Variants in EPHB1 observed in about 807,000 individuals in gnomAD.
The protein encoded by EPHB1 is ephrin type-B receptor 1.
In EPHB1, 30 loss-of-function variants were observed where a neutral mutation model predicts 94.4. The observed-to-expected ratio is 0.32, with a 90% CI of 0.24 to 0.43. The LOEUF is 0.43. Ranked by LOEUF, EPHB1 falls within the 20% of genes least tolerant of loss-of-function variation. The pLI, the probability that EPHB1 is intolerant of heterozygous loss-of-function variation, is 1.00. For synonymous variants in EPHB1, 522 were observed against 489.1 expected (o/e 1.07, Z -0.89); for missense variants, 1,055 against 1,308.3 (o/e 0.81, Z 2.99).
At chr3:135,024,466 C>A (rs532492659) in intron 3 of EPHB1, among the ~76,000 whole-genome samples, 8 of 152,222 alleles carry the variant, frequency 5.3e-5, no homozygotes, top group African/African-American at 1.4e-4. Context: ...ACCTTTCAAC[C>A]ACGTGGTTTA....
chr3:135,013,099 C>G (rs1050968845), intron 3 of EPHB1, among the ~76,000 whole-genome samples: 11 of 152,140 alleles, frequency 7.2e-5, no homozygotes, highest in African/African-American at 1.9e-4. Context: ...CACCTTTACA[C>G]TACTTACGAA....
chr3:135,033,208 C>G (rs1936540984), intron 3 of EPHB1, among the ~76,000 whole-genome samples: 1 of 152,148 alleles, frequency 6.6e-6, no homozygotes, highest in Admixed American at 6.5e-5. Flanking sequence ...GCCAGTGTGA[C>G]AGTCAGGGTA....
intron 3 of EPHB1, among the ~76,000 whole-genome samples, chr3:134,969,184 A>G (rs966529229): frequency 3.3e-5 from 5 of 152,082 alleles, no homozygotes; most frequent in African/African-American, 4.8e-5. Context: ...TATTATCAGT[A>G]TTTTTTATCT....
rs1470478329 is a variant in EPHB1 at position 135,162,068 on chromosome 3, A to G, written c.1473A>G (p.Ala491=). 1.2e-6 allele frequency: 2 copies of G among 1,613,486 alleles called. No individual in the cohort carries two copies. Among genetic ancestry groups the G allele is most frequent in the Non-Finnish European group, 1.7e-6 (2 of 1,179,674 alleles). The change falls in exon 7 of 16, where the codon GCA becomes GCG. Residue 491 remains alanine, a synonymous_variant. Transcript: ENST00000398015. ...SSMARSQTNT[A]RIDGLRPGMV... ...TGGCCAGGAGTCAGACCAACACAGC[A>G]AGGATTGATGGGCTGCGGCCTGGCA...
At chr3:135,030,527 A>T (rs1484134848) in intron 3 of EPHB1, among the ~76,000 whole-genome samples, 3 of 152,174 alleles carry the variant, frequency 2.0e-5, no homozygotes, top group Non-Finnish European at 2.9e-5. Context: ...CCTCCCAGTT[A>T]GGCTGGTCGG....
chr3:134,924,769 T>C (rs1018291788), intron 1 of EPHB1, among the ~76,000 whole-genome samples: 4 of 152,206 alleles, frequency 2.6e-5, no homozygotes, highest in Non-Finnish European at 5.9e-5. Context: ...ATTCTTAATA[T>C]AATTATGCTG....
chr3:135,226,859 C>T (rs141261686), intron 12 of EPHB1, among the ~76,000 whole-genome samples: 2 of 152,028 alleles, frequency 1.3e-5, no homozygotes, highest in East Asian at 3.9e-4. Flanking sequence ...GAAATCATGT[C>T]CTTTGCAGCA....
intron 12 of EPHB1, among the ~76,000 whole-genome samples, chr3:135,238,938 G>A (rs1371118315): frequency 2.0e-5 from 3 of 152,202 alleles, no homozygotes; most frequent in African/African-American, 7.2e-5. Context: ...ACCTCCAGGT[G>A]TTTGGTAGCT....
intron 3 of EPHB1, among the ~76,000 whole-genome samples, chr3:134,971,038 T>C (rs1933952276): frequency 6.6e-6 from 1 of 152,158 alleles, no homozygotes; most frequent in Non-Finnish European, 1.5e-5. Context: ...TCCTGGGTGT[T>C]AGAAGTGACT....
chr3:135,124,259 G>C (rs1940103003), intron 4 of EPHB1, among the ~76,000 whole-genome samples: 1 of 151,678 alleles, frequency 6.6e-6, no homozygotes, highest in African/African-American at 2.4e-5. Context: ...TCTCTGTCCA[G>C]ATGGCCTCTG....
rs1407022722 is a variant in EPHB1, at chr3:135,249,456, C to T, written c.2811C>T (p.Phe937=). 1 of 1,613,872 alleles carries T rather than the reference C, an allele frequency of 6.2e-7. No individual in the cohort carries two copies. Among genetic ancestry groups the T allele is most frequent in the Admixed American group, 1.7e-5 (1 of 60,008 alleles). ...GGGACAGCTTCCTCACTGCTGGCTT[C>T]ACCTCCCTCCAGCTGGTCACCCAGA... is the stretch of plus-strand genomic sequence containing the variant. ...QYRDSFLTAG[F]TSLQLVTQMT... Residue 937 remains phenylalanine (F), a synonymous_variant, in exon 15 of 16, where the codon TTC becomes TTT. Transcript: ENST00000398015.
intron 2 of EPHB1, among the ~76,000 whole-genome samples, chr3:134,928,026 G>A (rs531394699): frequency 3.9e-5 from 6 of 152,330 alleles, no homozygotes; most frequent in Admixed American, 3.3e-4. Flanking sequence ...GAACACACCA[G>A]TGACTCCCAA....
chr3:134,826,357 C>A (rs930497737), intron 1 of EPHB1, among the ~76,000 whole-genome samples: 1 of 152,082 alleles, frequency 6.6e-6, no homozygotes, highest in Non-Finnish European at 1.5e-5. Flanking sequence ...CTAGCCTACA[C>A]CAGTCCAGAT....
intron 12 of EPHB1, among the ~76,000 whole-genome samples, chr3:135,222,422 T>C (rs2067774040): frequency 6.6e-6 from 1 of 152,156 alleles, no homozygotes; most frequent in African/African-American, 2.4e-5. Context: ...AGTCCCGCGG[T>C]TCTCATATGA....
intron 3 of EPHB1, among the ~76,000 whole-genome samples, chr3:134,996,937 G>A (rs1055407656): frequency 6.6e-6 from 1 of 152,030 alleles, no homozygotes; most frequent in Non-Finnish European, 1.5e-5. Flanking sequence ...TTTTAATGTA[G>A]TTTGATCTAT....
intron 15 of EPHB1, among the ~76,000 whole-genome samples, chr3:135,258,103 G>C (rs1284905616): frequency 2.0e-5 from 3 of 152,142 alleles, no homozygotes; most frequent in Non-Finnish European, 4.4e-5. Context: ...TGCACCCACT[G>C]TCTGGCACTC....
intron 1 of EPHB1, among the ~76,000 whole-genome samples, chr3:134,882,476 TA>T (rs1176541445): frequency 2.0e-5 from 3 of 152,110 alleles, no homozygotes; most frequent in Admixed American, 1.3e-4. Flanking sequence ...TCATTGTATA[TA>T]AAAAAGAAAA....
chr3:135,211,867 A>G (rs1308783159), intron 12 of EPHB1, among the ~76,000 whole-genome samples: 1 of 152,234 alleles, frequency 6.6e-6, no homozygotes, highest in Admixed American at 6.5e-5. Flanking sequence ...TAAGATCTGT[A>G]AATGTCTGTC....
At chr3:134,851,185 G>T (rs1047924817) in intron 1 of EPHB1, among the ~76,000 whole-genome samples, 7 of 152,228 alleles carry the variant, frequency 4.6e-5, no homozygotes, top group African/African-American at 1.7e-4. Context: ...AGGAATTCAG[G>T]CTGCAGAAAG....
Sources: allele counts gnomAD v4.1 joint callset (sites outside exome capture counted in the v4.1 genomes callset), GRCh38; gene constraint gnomAD v4.1.1; transcripts MANE v1.5; gene names NCBI Gene and HGNC (gene_info 2026-07-23, HGNC 2026-07-21).